CYTH2: variants seen among roughly 807,000 people sequenced by gnomAD.
CYTH2 encodes the protein cytohesin-2.
In CYTH2, 24 loss-of-function variants were observed where a neutral mutation model predicts 55.4. The observed-to-expected ratio is 0.43, with a 90% confidence interval of 0.31 to 0.61. The LOEUF (loss-of-function observed/expected upper bound fraction) is 0.61. Ranked by LOEUF, CYTH2 falls within the 20% of genes least tolerant of loss-of-function variation. The pLI is 0.08. For synonymous variants in CYTH2, 221 were observed against 209.6 expected (o/e 1.05, Z -0.47); for missense variants, 378 against 533.5 (o/e 0.71, Z 2.87).
At chr19:48,471,701 C>G (rs1053825663) in intron 3 of CYTH2, among the ~76,000 whole-genome samples, 1 of 152,224 alleles carries the variant, frequency 6.6e-6, no homozygotes, top group Non-Finnish European at 1.5e-5. Flanking sequence ...CGTCTGCTAA[C>G]AGGTTGTCAC....
At position 48,469,546 on chromosome 19, in the gene CYTH2, G is replaced by T. The variant is rs1013911250; in HGVS notation, c.19+20G>T. 8.3e-6 allele frequency: 11 copies of T among 1,322,196 alleles called. No homozygotes were observed. Among genetic ancestry groups the T allele is most frequent in the Non-Finnish European group, 9.7e-6 (10 of 1,028,294 alleles). The allele number at this position is 1,322,196 out of a possible 1,614,324, so 81.9% of individuals were successfully genotyped here. A position where few individuals can be genotyped will look rare whatever the true frequency, so the allele number is the denominator to read the frequency against. ...TCTATGGTAGGTCGGGGAGGGGCGG[G>T]GTCGGCTGGGAGTTGCTGGAGCGTT... On this transcript the variant is annotated intron_variant, in intron 1 of 11. Coordinates refer to ENST00000452733, the MANE Select transcript of CYTH2 (RefSeq NM_004228.7).
rs1020729004 is a variant in CYTH2 at position 48,479,527 on chromosome 19, C to T, written c.*317C>T. 3.1e-5 allele frequency: 11 copies of T among 352,020 alleles called. No individual in the cohort carries two copies. Among genetic ancestry groups the T allele is most frequent in the Non-Finnish European group, 5.8e-5 (11 of 190,032 alleles). The allele number at this position is 352,020 out of a possible 1,614,324, so 21.8% of individuals were successfully genotyped here. A position where few individuals can be genotyped will look rare whatever the true frequency, so the allele number is the denominator to read the frequency against. ...TCCCGGTGGGTCTGTTCTGGTTTCA[C>T]CCCGAGCCCAGCAGGAGTGGAGTAA... On this transcript the variant is annotated 3_prime_UTR_variant, in exon 12 of 12. Coordinates refer to ENST00000452733, the MANE Select transcript of CYTH2 (RefSeq NM_004228.7).
Position 48,469,421 on chromosome 19 carries a change from C to G in CYTH2, c.-87C>G. On this transcript the variant is annotated 5_prime_UTR_variant, in exon 1 of 12. Coordinates refer to ENST00000452733, the MANE Select transcript of CYTH2 (RefSeq NM_004228.7). ...GGCGGTGGCTCCCGGGGCGTTTGAG[C>G]GGGCTCACCCGAGCCCGCGGGCCAA... The G allele has an allele frequency of 7.8e-7, 1 of 1,289,714 alleles. No homozygotes were observed. The highest frequency in any genetic ancestry group is 2.4e-5 in the South Asian group (1 of 41,714). The allele number at this position is 1,289,714 out of a possible 1,614,324, so 79.9% of individuals were successfully genotyped here. A position where few individuals can be genotyped will look rare whatever the true frequency, so the allele number is the denominator to read the frequency against.
In CYTH2 at chr19:48,474,458, CGT is replaced by C. The variant is rs1212511276; in HGVS notation, c.696+134_696+135del. 3 of 984,908 alleles carry C rather than the reference CGT, an allele frequency of 3.0e-6. No individual in the cohort carries two copies. Among genetic ancestry groups the C allele is most frequent in the Non-Finnish European group, 2.9e-6 (2 of 689,922 alleles). The allele number at this position is 984,908 out of a possible 1,614,324, so 61.0% of individuals were successfully genotyped here. ...CCAAGATGGTGCGATCATGCCAACT[CGT>C]GTGTGATCTTTTTCTCTCTCTCTGG... On this transcript the variant is annotated intron_variant, in intron 7 of 11. Transcript: ENST00000452733. This position sits in a 1 kb window ranked among gnomAD's most constrained non-coding sequence, Gnocchi z 4.9.
At chr19:48,469,789 A>C (rs1971747782) in intron 1 of CYTH2, 5 of 601,088 alleles carry the variant, frequency 8.3e-6, no homozygotes, top group South Asian at 1.9e-5. Context: ...GCCGGGGCGG[A>C]ACCATTCCCG....
chr19:48,479,175 C>T lies in CYTH2; in HGVS notation c.1165C>T (p.Arg389Trp), dbSNP rs757256464. 54 of 1,613,932 alleles carry T rather than the reference C, an allele frequency of 3.3e-5. No homozygotes were observed. The highest frequency in any genetic ancestry group is 4.4e-5 in the Non-Finnish European group (52 of 1,179,968). The change falls in exon 12 of 12, where the codon CGG becomes TGG. Residue 389 changes from arginine to tryptophan, a missense_variant. Physicochemically the swap from Arg to Trp is moderately radical, Grantham distance 101 (BLOSUM62 -3). Coordinates refer to ENST00000452733, the MANE Select transcript of CYTH2 (RefSeq NM_004228.7). The stretch of plus-strand genomic sequence containing the variant: ...TGAGATGCTGGCAGCGAGAAAGAAG[C>T]GGATTTCAGTCAAGAAGAAGCAGGA... ...FYEMLAARKK[R>W]ISVKKKQEQP is the part of the protein sequence containing the mutation.
chr19:48,469,883 G>T (rs2147501109), intron 1 of CYTH2: 1 of 563,382 alleles, frequency 1.8e-6, no homozygotes. Flanking sequence ...TTGGGGGGCG[G>T]GGGCCTTCGA....
At position 48,480,251 on chromosome 19, in the gene CYTH2, C is replaced by T. The variant is rs1972022970; in HGVS notation, c.*1041C>T. ...AGGTCCCATGTCACTCTCCCATGCC[C>T]GCCTTTGAAGCTGAGGCGCTCTTTA... is the stretch of plus-strand genomic sequence containing the variant. On this transcript the variant is annotated 3_prime_UTR_variant, in exon 12 of 12. Transcript: ENST00000452733. The T allele has an allele frequency of 1.3e-5, 2 of 152,328 alleles. No individual in the cohort carries two copies. The highest frequency in any genetic ancestry group is 1.9e-4 in the East Asian group (1 of 5,180). 9.4% of individuals were successfully genotyped at this position (152,328 alleles called of 1,614,324 possible). A position where few individuals can be genotyped will look rare whatever the true frequency, so the allele number is the denominator to read the frequency against.
intron 3 of CYTH2, 96 bp downstream of exon 3, chr19:48,470,765 A>G (rs574386035): frequency 1.3e-5 from 18 of 1,371,326 alleles, no homozygotes; most frequent in Non-Finnish European, 1.5e-5. Flanking sequence ...TGCCGGGTCT[A>G]TTCTAGGTGG....
chr19:48,474,779 T>A lies in CYTH2; in HGVS notation c.697-59T>A, dbSNP rs1467189265. On this transcript the variant is annotated intron_variant, in intron 7 of 11. Transcript: ENST00000452733. The surrounding 1 kb of genome is among the most constrained non-coding windows in gnomAD (Gnocchi z 4.9). The stretch of plus-strand genomic sequence containing the variant: ...TCCCTGGTCTCGCTGCCCCCCACCC[T>A]GAGTAACCCTGGGGGGCCCCAGGGG... 1 of 1,517,188 alleles carries A rather than the reference T, an allele frequency of 6.6e-7. No individual in the cohort carries two copies. The allele number at this position is 1,517,188 out of a possible 1,614,324, so 94.0% of individuals were successfully genotyped here. A position where few individuals can be genotyped will look rare whatever the true frequency, so the allele number is the denominator to read the frequency against.
intron 8 of CYTH2, chr19:48,476,963 C>T (rs894017465): frequency 2.0e-5 from 3 of 152,400 alleles, no homozygotes; most frequent in African/African-American, 7.2e-5. Context: ...TTCTGAGCCC[C>T]ACCTAAGGCT....
chr19:48,477,438 A>G (rs1971936986), intron 8 of CYTH2: 1 of 153,882 alleles, frequency 6.5e-6, no homozygotes, highest in Non-Finnish European at 1.4e-5. Flanking sequence ...GGGGTTTTCA[A>G]GGCTGCCACC....
At chr19:48,472,543 G>C (rs1299461002) in intron 4 of CYTH2, 100 bp downstream of exon 4, 2 of 966,122 alleles carry the variant, frequency 2.1e-6, no homozygotes, top group Non-Finnish European at 1.6e-6. Flanking sequence ...CAGCCCTGCA[G>C]CCTCCCCGCA....
intron 1 of CYTH2, 136 bp downstream of exon 1, chr19:48,469,662 G>C: frequency 7.7e-7 from 1 of 1,300,662 alleles, no homozygotes; most frequent in Non-Finnish European, 1.0e-6. Context: ...CGCCGCTTTT[G>C]TTGGGCGCTG....
At chr19:48,470,316 C>G (rs747593916) in intron 1 of CYTH2, 37 bp from the exon 2 acceptor site, 1 of 1,575,750 alleles carries the variant, frequency 6.3e-7, no homozygotes, top group Non-Finnish European at 8.6e-7. Context: ...CTCACGGCCC[C>G]TAGCACTGAC....
intron 3 of CYTH2, among the ~76,000 whole-genome samples, chr19:48,471,219 C>T (rs940735222): frequency 2.8e-5 from 4 of 142,816 alleles, no homozygotes; most frequent in African/African-American, 6.0e-5. Flanking sequence ...TGGAGTGCAG[C>T]GATGTGATCT....
chr19:48,474,974 G>C lies in CYTH2; in HGVS notation c.808+25G>C. ...GGTACGTGCCCTCCCGACCCCGCTG[G>C]TCCCTCCGCAGGAGGACATTTGTGG... On this transcript the variant is annotated intron_variant, in intron 8 of 11. Transcript: ENST00000452733. The surrounding 1 kb of genome is among the most constrained non-coding windows in gnomAD (Gnocchi z 4.9). 1.2e-6 allele frequency: 2 copies of C among 1,606,254 alleles called. No homozygotes were observed. Among genetic ancestry groups the C allele is most frequent in the East Asian group, 2.2e-5 (1 of 44,828 alleles).
Position 48,472,316 on chromosome 19 carries a change from A to G in CYTH2, c.235-9A>G. On this transcript the variant is annotated splice_polypyrimidine_tract_variant and intron_variant, in intron 3 of 11. Coordinates refer to ENST00000452733, the MANE Select transcript of CYTH2 (RefSeq NM_004228.7). ...CCCTCAGCACTGAGACCTTGTCCCC[A>G]CCCACCAGGGGATCCAGTTCTTGGT... 1 of 1,612,938 alleles carries G rather than the reference A, an allele frequency of 6.2e-7. No individual in the cohort carries two copies. The highest frequency in any genetic ancestry group is 8.5e-7 in the Non-Finnish European group (1 of 1,179,518).
chr19:48,472,293 C>T (rs781033682), intron 3 of CYTH2, 32 bp from the exon 4 acceptor site: 10 of 1,607,464 alleles, frequency 6.2e-6, no homozygotes, highest in Non-Finnish European at 7.7e-6. Flanking sequence ...CTTTCTGGCC[C>T]TCAGCACTGA....
Sources: allele counts gnomAD v4.1 joint callset (sites outside exome capture counted in the v4.1 genomes callset), GRCh38; gene constraint gnomAD v4.1.1; non-coding constraint Gnocchi (gnomAD v3.1); transcripts MANE v1.5; gene names NCBI Gene and HGNC (gene_info 2026-07-23, HGNC 2026-07-21).